GRIK2: variants seen among roughly 807,000 people sequenced by gnomAD.
GRIK2 encodes glutamate ionotropic receptor kainate type subunit 2.
GRIK2 carries 32 observed loss-of-function variants against 100.3 expected under a neutral mutation model. The observed-to-expected ratio is 0.32, with a 90% CI of 0.24 to 0.43. The LOEUF (loss-of-function observed/expected upper bound fraction) is 0.43, where lower values mean the gene tolerates loss of function less well. Ranked by LOEUF, GRIK2 falls within the 20% of genes least tolerant of loss-of-function variation. The probability of loss-of-function intolerance (pLI) is 1.00; values close to 1 mark genes in which losing one functional copy is unlikely to be tolerated. For missense variants in GRIK2, 843 were observed against 1,114.9 expected (o/e 0.76, Z 3.47); for synonymous variants, 417 against 389.4 (o/e 1.07, Z -0.83).
intron 13 of GRIK2, chr6:101,928,179 G>A: frequency 1.9e-6 from 1 of 518,602 alleles, no homozygotes; most frequent in Non-Finnish European, 3.4e-6. Flanking sequence ...ATCATCTCAG[G>A]TAGAACATGA....
intron 7 of GRIK2, among the ~76,000 whole-genome samples, chr6:101,798,033 A>ATTTCC (rs1780430128): frequency 6.7e-6 from 1 of 149,036 alleles, no homozygotes; most frequent in African/African-American, 2.5e-5. Flanking sequence ...CATTCAGTAG[A>ATTTCC]TTTCCACTCT....
At chr6:101,634,955 A>G (rs992851652) in intron 4 of GRIK2, among the ~76,000 whole-genome samples, 1 of 152,086 alleles carries the variant, frequency 6.6e-6, no homozygotes, top group East Asian at 1.9e-4. Flanking sequence ...TTAATAGTGA[A>G]AACTCATTTT....
At chr6:101,784,128 C>T (rs558388338) in intron 7 of GRIK2, among the ~76,000 whole-genome samples, 1 of 152,300 alleles carries the variant, frequency 6.6e-6, no homozygotes, top group Admixed American at 6.5e-5. Context: ...GGGAAAATGT[C>T]TCTAAGGCAT....
chr6:101,775,549 G>GTGTAT (rs777886825), intron 7 of GRIK2, among the ~76,000 whole-genome samples: 1,208 of 3,630 alleles, frequency 0.33, 17 homozygotes, highest in African/African-American at 0.43. Flanking sequence ...ATATGTGTGT[G>GTGTAT]AGATATATAT....
chr6:101,643,266 GCT>G (rs1393454609), intron 4 of GRIK2, among the ~76,000 whole-genome samples: 2 of 151,050 alleles, frequency 1.3e-5, no homozygotes, highest in Non-Finnish European at 3.0e-5. Context: ...CTATACTTTT[GCT>G]GTCATATTCA....
chr6:101,764,893 G>T (rs76956647), intron 7 of GRIK2, among the ~76,000 whole-genome samples: 28 of 151,852 alleles, frequency 1.8e-4, no homozygotes, highest in African/African-American at 6.8e-4. Context: ...CATGGCTGAC[G>T]AAATCTTCAT....
chr6:101,678,661 AT>A (rs1771016957), intron 5 of GRIK2, among the ~76,000 whole-genome samples: 2 of 152,092 alleles, frequency 1.3e-5, no homozygotes, highest in Non-Finnish European at 2.9e-5. Flanking sequence ...GATTTGTGAA[AT>A]TTTTCTGAGA....
rs183731229 is a variant in GRIK2, at chr6:101,634,979, C to T, written c.541+8342C>T. Among the ~76,000 whole-genome samples the T allele has an allele frequency of 3.1e-3, 470 of 151,588 alleles. 3 individuals carry two copies. Among genetic ancestry groups the T allele is most frequent in the African/African-American group, 0.011 (453 of 41,332 alleles). ...AAAACTCATTTTATTTTATCTTGCA[C>T]GTATATTTAAATAGGATAAAATAAA... is the stretch of plus-strand genomic sequence containing the variant. On this transcript the variant is annotated intron_variant, in intron 4 of 16. Coordinates refer to ENST00000369134, the MANE Select transcript of GRIK2 (RefSeq NM_021956.5).
chr6:101,760,542 T>C (rs1222625292), intron 7 of GRIK2, among the ~76,000 whole-genome samples: 1 of 90,888 alleles, frequency 1.1e-5, no homozygotes, highest in Admixed American at 1.7e-4. Flanking sequence ...TATTTAATTA[T>C]ATATTTATTA....
intron 7 of GRIK2, among the ~76,000 whole-genome samples, chr6:101,732,261 T>C (rs375448602): frequency 3.5e-4 from 54 of 152,228 alleles, no homozygotes; most frequent in African/African-American, 1.2e-3. Context: ...AACTTCCTAT[T>C]TGGATTTTAA....
chr6:101,497,961 C>T (rs558894676), intron 2 of GRIK2, among the ~76,000 whole-genome samples: 21 of 151,346 alleles, frequency 1.4e-4, no homozygotes, highest in African/African-American at 5.1e-4. Flanking sequence ...TGGTGTGCTG[C>T]ACCCATTAAC....
intron 12 of GRIK2, among the ~76,000 whole-genome samples, chr6:101,914,184 A>G (rs758041026): frequency 3.6e-4 from 55 of 151,448 alleles, no homozygotes; most frequent in Non-Finnish European, 4.3e-4. Flanking sequence ...TTGGTGATGT[A>G]CTAGATGTGG....
intron 14 of GRIK2, among the ~76,000 whole-genome samples, chr6:102,018,554 T>C (rs1769251652): frequency 6.6e-6 from 1 of 152,086 alleles, no homozygotes; most frequent in Non-Finnish European, 1.5e-5. Context: ...AATTCATCAA[T>C]TAATTATCAG....
At chr6:101,535,835 A>C (rs1339305702) in intron 2 of GRIK2, among the ~76,000 whole-genome samples, 1 of 151,670 alleles carries the variant, frequency 6.6e-6, no homozygotes, top group Non-Finnish European at 1.5e-5. Context: ...GACAGTAAGC[A>C]CCTAAACGAA....
At chr6:101,713,885 A>G (rs1773884543) in intron 7 of GRIK2, among the ~76,000 whole-genome samples, 1 of 151,768 alleles carries the variant, frequency 6.6e-6, no homozygotes. Flanking sequence ...AAATGGGATA[A>G]AAGTGAAGTA....
chr6:101,429,809 G>A (rs1769276271), intron 2 of GRIK2, among the ~76,000 whole-genome samples: 1 of 152,052 alleles, frequency 6.6e-6, no homozygotes, highest in South Asian at 2.1e-4. Flanking sequence ...ATTTCTTAAA[G>A]AATTGAGAAT....
intron 2 of GRIK2, among the ~76,000 whole-genome samples, chr6:101,603,905 T>C (rs1321829852): frequency 2.0e-5 from 3 of 151,712 alleles, no homozygotes; most frequent in Admixed American, 6.6e-5. Context: ...AAAAGAATTA[T>C]GTGCATGCAT....
intron 11 of GRIK2, among the ~76,000 whole-genome samples, chr6:101,865,736 A>C (rs1402964394): frequency 6.6e-6 from 1 of 151,904 alleles, no homozygotes; most frequent in Admixed American, 6.6e-5. Context: ...AAAATACAAA[A>C]AAGTTAGCTG....
At chr6:101,903,800 A>G (rs193019190) in intron 12 of GRIK2, among the ~76,000 whole-genome samples, 21 of 151,240 alleles carry the variant, frequency 1.4e-4, no homozygotes, top group African/African-American at 5.1e-4. Context: ...AAAAAATAAT[A>G]GTTGGTAAAT....
Sources: allele counts gnomAD v4.1 joint callset (sites outside exome capture counted in the v4.1 genomes callset), GRCh38; gene constraint gnomAD v4.1.1; transcripts MANE v1.5; gene names NCBI Gene and HGNC (gene_info 2026-07-23, HGNC 2026-07-21).